The following MEI4 variants were observed in gnomAD, a reference collection of about 807,000 sequenced individuals.
MEI4 encodes the protein meiosis-specific protein MEI4.
Under a neutral mutation model 31.4 loss-of-function variants are expected in MEI4, and 27 were observed. That is an observed-to-expected ratio of 0.86 (90% CI 0.63 to 1.19). The LOEUF (loss-of-function observed/expected upper bound fraction) is 1.19, where lower values mean the gene tolerates loss of function less well. Ranked by LOEUF, MEI4 falls within the 50% of genes most tolerant of loss-of-function variation. MEI4 has a pLI of 0.00. For synonymous variants in MEI4, 122 were observed against 145.4 expected, an observed-to-expected ratio of 0.84 and a Z score of 1.16; for missense variants, 329 against 398.9, an observed-to-expected ratio of 0.82 and a Z score of 1.49.
chr6:77,854,469 A>G (rs916150726), intron 4 of MEI4, among the ~76,000 whole-genome samples: 2 of 150,554 alleles, frequency 1.3e-5, no homozygotes, highest in African/African-American at 4.9e-5. Context: ...CTAAATTTCC[A>G]TGGTACTATG....
In MEI4 at chr6:77,758,334, G is replaced by C. The variant is rs573313542; in HGVS notation, c.233-2796G>C. The stretch of plus-strand genomic sequence containing the variant: ...TTGTAGTGATAATTAGCAAGCACAT[G>C]TCTGCACATTTTTGATGGTTATAGT... On this transcript the variant is annotated intron_variant, in intron 2 of 4. Transcript: ENST00000684080. 1.4e-3 allele frequency among the ~76,000 whole-genome samples: 213 copies of C among 152,210 alleles called. 1 individual carries two copies. The highest frequency in any genetic ancestry group is 4.5e-3 in the African/African-American group (187 of 41,538).
At chr6:77,897,616 A>G (rs1270800969) in intron 4 of MEI4, among the ~76,000 whole-genome samples, 1 of 151,988 alleles carries the variant, frequency 6.6e-6, no homozygotes, top group East Asian at 1.9e-4. Flanking sequence ...GATCCAAAAT[A>G]CTAACAGTTT....
chr6:77,668,941 A>G (rs940193104), intron 1 of MEI4, among the ~76,000 whole-genome samples: 1 of 152,150 alleles, frequency 6.6e-6, no homozygotes, highest in African/African-American at 2.4e-5. Context: ...CTTCTTTATG[A>G]ATAATAAATG....
intron 3 of MEI4, among the ~76,000 whole-genome samples, chr6:77,800,423 C>G (rs1319049941): frequency 6.6e-6 from 1 of 152,188 alleles, no homozygotes; most frequent in African/African-American, 2.4e-5. Context: ...TCTAGATATA[C>G]AATCAAGTCA....
chr6:77,914,817 A>G (rs762172446), intron 4 of MEI4, among the ~76,000 whole-genome samples: 1 of 152,104 alleles, frequency 6.6e-6, no homozygotes, highest in Non-Finnish European at 1.5e-5. Context: ...TACTTTTATC[A>G]TATAGATTGA....
intron 1 of MEI4, among the ~76,000 whole-genome samples, chr6:77,667,751 G>T (rs573472398): frequency 6.6e-6 from 1 of 152,242 alleles, no homozygotes; most frequent in East Asian, 1.9e-4. Flanking sequence ...AGGAGAACCT[G>T]TAGGCAGGAA....
At chr6:77,761,061 C>T in intron 2 of MEI4, 69 bp from the exon 3 acceptor site, 1 of 1,018,222 alleles carries the variant, frequency 9.8e-7, no homozygotes, top group East Asian at 3.3e-5. Flanking sequence ...AGATAAGTAT[C>T]AATGGCTAGT....
At chr6:77,856,495 A>C (rs1370039104) in intron 4 of MEI4, among the ~76,000 whole-genome samples, 1 of 152,196 alleles carries the variant, frequency 6.6e-6, no homozygotes, top group Non-Finnish European at 1.5e-5. Flanking sequence ...TATTGTTAAC[A>C]GTTTGATGAA....
At position 77,813,176 on chromosome 6, in the gene MEI4, A is replaced by C. The variant is rs147100310; in HGVS notation, c.769-15755A>C. Among the ~76,000 whole-genome samples, 212 of 152,186 alleles carry C rather than the reference A, an allele frequency of 1.4e-3. 1 individual carries two copies. Among genetic ancestry groups the C allele is most frequent in the African/African-American group, 4.5e-3 (186 of 41,536 alleles). Reference sequence around the variant, plus strand: ...TTTAACACAGAGCTGGAAAAGATATATTTGTGTCATTATTGCTTAACATAG... The same window carrying C: ...TTTAACACAGAGCTGGAAAAGATATCTTTGTGTCATTATTGCTTAACATAG... On this transcript the variant is annotated intron_variant, in intron 3 of 4. Transcript: ENST00000684080.
Position 77,923,417 on chromosome 6 carries a change from A to T in MEI4, c.*71A>T. On this transcript the variant is annotated 3_prime_UTR_variant, in exon 5 of 5. Coordinates refer to ENST00000684080, the MANE Select transcript of MEI4 (RefSeq NM_001322247.2). ...AATATATGAAAATCTCATACTGAAA[A>T]GATTTTCAATAGTATTTTAATTAGC... 1.8e-6 allele frequency: 2 copies of T among 1,125,270 alleles called. No individual in the cohort carries two copies. Among genetic ancestry groups the T allele is most frequent in the Non-Finnish European group, 2.2e-6 (2 of 892,228 alleles). 69.7% of individuals were successfully genotyped at this position (1,125,270 alleles called of 1,614,324 possible).
chr6:77,651,875 A>G (rs746062887), upstream of MEI4, among the ~76,000 whole-genome samples: 1 of 152,190 alleles, frequency 6.6e-6, no homozygotes, highest in African/African-American at 2.4e-5. Context: ...GAATGCCAGT[A>G]TTTGGAATCA....
At chr6:77,742,436 T>C (rs1377210632) in intron 2 of MEI4, among the ~76,000 whole-genome samples, 1 of 152,196 alleles carries the variant, frequency 6.6e-6, no homozygotes, top group East Asian at 1.9e-4. Context: ...GAAGTGTCTG[T>C]TCATGTCCTT....
At chr6:77,839,686 G>A (rs561744915) in intron 4 of MEI4, among the ~76,000 whole-genome samples, 2 of 152,244 alleles carry the variant, frequency 1.3e-5, no homozygotes, top group South Asian at 2.1e-4. Flanking sequence ...GAATTTGTAC[G>A]CTGAACCTAA....
rs1264021121 is a variant in MEI4, at chr6:77,733,107, G to T, written c.233-28023G>T. Reference sequence around the variant, plus strand: ...AATTCTCTTTTTTGGTTGTGTCTCTGCCAGGCTTTGGTATCAAGATGATGC... The same window carrying T: ...AATTCTCTTTTTTGGTTGTGTCTCTTCCAGGCTTTGGTATCAAGATGATGC... On this transcript the variant is annotated intron_variant, in intron 2 of 4. Transcript: ENST00000684080. Among the ~76,000 whole-genome samples, 3 of 151,758 alleles carry T rather than the reference G, an allele frequency of 2.0e-5. No homozygotes were observed. In the South Asian group the frequency reaches 6.2e-4, roughly 32 times the overall value.
intron 4 of MEI4, among the ~76,000 whole-genome samples, chr6:77,882,895 A>G (rs1771522095): frequency 6.6e-6 from 1 of 152,228 alleles, no homozygotes; most frequent in African/African-American, 2.4e-5. Context: ...ATTTATTAAA[A>G]TCTCAGACTA....
At chr6:77,812,737 C>T (rs969385395) in intron 3 of MEI4, among the ~76,000 whole-genome samples, 1 of 152,016 alleles carries the variant, frequency 6.6e-6, no homozygotes, top group Admixed American at 6.6e-5. Flanking sequence ...TATTTCTATG[C>T]AGTAATGCCT....
At chr6:77,737,428 A>G (rs963597828) in intron 2 of MEI4, among the ~76,000 whole-genome samples, 33 of 152,144 alleles carry the variant, frequency 2.2e-4, no homozygotes, top group African/African-American at 7.5e-4. Context: ...GCTCTTAACA[A>G]TAAAGGCTCG....
At chr6:77,818,295 A>G (rs1014364502) in intron 3 of MEI4, among the ~76,000 whole-genome samples, 12 of 152,182 alleles carry the variant, frequency 7.9e-5, no homozygotes, top group Non-Finnish European at 1.5e-4. Context: ...GAATCTTTCA[A>G]AATAGAAGCC....
chr6:77,865,847 C>T (rs1215424220), intron 4 of MEI4, among the ~76,000 whole-genome samples: 8 of 152,066 alleles, frequency 5.3e-5, no homozygotes, highest in African/African-American at 7.2e-5. Context: ...ACTGGCAAAC[C>T]GAATCCAGCA....
Sources: allele counts gnomAD v4.1 joint callset (sites outside exome capture counted in the v4.1 genomes callset), GRCh38; gene constraint gnomAD v4.1.1; transcripts MANE v1.5; gene names NCBI Gene and HGNC (gene_info 2026-07-23, HGNC 2026-07-21).